INSL6: variants seen among roughly 807,000 people sequenced by gnomAD.
INSL6 encodes insulin-like peptide INSL6.
Under a neutral mutation model 9.4 loss-of-function variants are expected in INSL6, and 16 were observed. The observed-to-expected ratio is 1.70, with a 90% confidence interval of 1.15 to 2.59. INSL6 has a LOEUF of 2.59. Among genes scored for constraint, INSL6 ranks in the 30% most tolerant of loss-of-function variants. INSL6 has a pLI of 0.00. For synonymous variants in INSL6, 154 were observed against 96.9 expected (o/e 1.59, Z -3.46); for missense variants, 391 against 257.3 (o/e 1.52, Z -3.56).
chr9:5,049,549 T>A, the INSL6 span, among the ~76,000 whole-genome samples: 6 of 152,336 alleles, frequency 3.9e-5, no homozygotes, highest in South Asian at 1.2e-3. Flanking sequence ...TAATCTTAAC[T>A]TTCTCCAAGT....
the INSL6 span, chr9:5,111,474 C>G: frequency 3.4e-5 from 13 of 386,218 alleles, no homozygotes; most frequent in Admixed American, 3.8e-4. Context: ...CTGCCCAGCT[C>G]AGGTGAGGAG....
chr9:5,080,892 C>CTTTT, the INSL6 span, among the ~76,000 whole-genome samples: 98 of 95,530 alleles, frequency 1.0e-3, no homozygotes, highest in Non-Finnish European at 1.1e-3. Context: ...AAGACCTTTT[C>CTTTT]TTTTTTTTTT....
chr9:5,006,528 A>G, the INSL6 span, among the ~76,000 whole-genome samples: 1 of 152,212 alleles, frequency 6.6e-6, no homozygotes, highest in African/African-American at 2.4e-5. Context: ...TAATTGACTC[A>G]TGGTTCCATA....
chr9:5,059,194 C>T, the INSL6 span, among the ~76,000 whole-genome samples: 1 of 152,178 alleles, frequency 6.6e-6, no homozygotes, highest in Non-Finnish European at 1.5e-5. Flanking sequence ...AGTTCTCTTA[C>T]TCCTAGAAGG....
At chr9:5,029,479 A>G in the INSL6 span, among the ~76,000 whole-genome samples, 706 of 152,334 alleles carry the variant, frequency 4.6e-3, 6 homozygotes, top group African/African-American at 0.016. Context: ...TGTTGGAAAA[A>G]TGGTGCTGAC....
chr9:5,090,444 AG>A, the INSL6 span: 1 of 1,535,548 alleles, frequency 6.5e-7, no homozygotes, highest in East Asian at 2.3e-5. Flanking sequence ...TTATGTTAAA[AG>A]GTCGGCGTAA....
the INSL6 span, among the ~76,000 whole-genome samples, chr9:4,998,238 A>G: frequency 6.6e-6 from 1 of 151,772 alleles, no homozygotes; most frequent in Non-Finnish European, 1.5e-5. Flanking sequence ...ATCTTAAGGG[A>G]AAAAAAACTC....
the INSL6 span, chr9:5,112,672 C>G: frequency 1.1e-6 from 1 of 946,248 alleles, no homozygotes; most frequent in Non-Finnish European, 1.5e-6. Context: ...TGCACCAGGC[C>G]GTCTCGGTCA....
chr9:5,145,293 C>T (rs1355271647), intron 2 of INSL6, among the ~76,000 whole-genome samples: 1 of 151,850 alleles, frequency 6.6e-6, no homozygotes, highest in African/African-American at 2.4e-5. Context: ...CCCCCTATCT[C>T]TTCTGGCTTG....
At chr9:5,042,124 C>CTTTTTTTTTTTT in the INSL6 span, among the ~76,000 whole-genome samples, 1 of 107,612 alleles carries the variant, frequency 9.3e-6, no homozygotes, top group African/African-American at 3.8e-5. Flanking sequence ...GCCAAAATTT[C>CTTTTTTTTTTTT]TTTTTTTTTT....
chr9:5,075,516 T>C, the INSL6 span, among the ~76,000 whole-genome samples: 2 of 152,218 alleles, frequency 1.3e-5, no homozygotes, highest in Non-Finnish European at 2.9e-5. Flanking sequence ...ACTCTGCCTG[T>C]GCTCTATACA....
downstream of INSL6, among the ~76,000 whole-genome samples, chr9:5,119,306 A>G: frequency 6.6e-6 from 1 of 152,100 alleles, no homozygotes; most frequent in East Asian, 1.9e-4. Flanking sequence ...GCATGGAGGT[A>G]TGTTTATTAT....
chr9:5,061,106 T>C, the INSL6 span, among the ~76,000 whole-genome samples: 1 of 152,226 alleles, frequency 6.6e-6, no homozygotes, highest in African/African-American at 2.4e-5. Flanking sequence ...AAACAATAGA[T>C]GTGCTGTCAT....
At chr9:5,163,137 T>C (rs1331827119), downstream of INSL6, among the ~76,000 whole-genome samples, 7 of 152,304 alleles carry the variant, frequency 4.6e-5, no homozygotes, top group East Asian at 7.7e-4. Flanking sequence ...TAAACACAGA[T>C]TGCTGACCCC....
the INSL6 span, among the ~76,000 whole-genome samples, chr9:5,027,596 T>C: frequency 6.6e-6 from 1 of 152,342 alleles, no homozygotes; most frequent in East Asian, 1.9e-4. Flanking sequence ...AAGATGTCTC[T>C]GTAGTATGCA....
intron 1 of INSL6, among the ~76,000 whole-genome samples, chr9:5,178,157 G>A (rs942549701): frequency 6.6e-6 from 1 of 152,220 alleles, no homozygotes; most frequent in Non-Finnish European, 1.5e-5. Context: ...TTCCAGGCAT[G>A]AGCCACCACG....
the INSL6 span, among the ~76,000 whole-genome samples, chr9:5,009,454 G>A: frequency 1.3e-5 from 2 of 150,898 alleles, no homozygotes; most frequent in African/African-American, 4.9e-5. Context: ...TTTTAATTTT[G>A]TAAACTTTAT....
the INSL6 span, among the ~76,000 whole-genome samples, chr9:5,006,517 T>C: frequency 6.6e-6 from 1 of 152,304 alleles, no homozygotes; most frequent in East Asian, 1.9e-4. Context: ...GAAAAGTTGT[T>C]TAATTGACTC....
chr9:5,107,774 A>G, the INSL6 span, among the ~76,000 whole-genome samples: 18 of 152,248 alleles, frequency 1.2e-4, no homozygotes, highest in South Asian at 1.9e-3. Flanking sequence ...AATTACCCTT[A>G]TAACTTTAAA....
Sources: gnomAD v4.1 joint callset for allele counts (sites outside exome capture counted in the v4.1 genomes callset) on GRCh38, gnomAD v4.1.1 for gene constraint, MANE v1.5 for transcripts, NCBI Gene and HGNC (gene_info 2026-07-23, HGNC 2026-07-21) for gene names.